TXNDC16: variants seen among roughly 807,000 people sequenced by gnomAD.
TXNDC16 encodes the protein thioredoxin domain-containing protein 16.
Under a neutral mutation model 85.6 loss-of-function variants are expected in TXNDC16, and 74 were observed. That is an observed-to-expected ratio of 0.86 (90% CI 0.72 to 1.05). The LOEUF (loss-of-function observed/expected upper bound fraction) is 1.05. Among genes scored for constraint, TXNDC16 ranks in the 50% least tolerant of loss-of-function variants. The pLI is 0.00. For missense variants in TXNDC16, 959 were observed against 947.0 expected (o/e 1.01, Z -0.17); for synonymous variants, 335 against 326.5 (o/e 1.03, Z -0.28).
At position 52,511,221 on chromosome 14, in the gene TXNDC16, T is replaced by C. The variant is rs2036945686; in HGVS notation, c.756+19A>G. 1 of 1,464,564 alleles carries C rather than the reference T, an allele frequency of 6.8e-7. No homozygotes were observed. The allele number at this position is 1,464,564 out of a possible 1,614,324, so 90.7% of individuals were successfully genotyped here. A position where few individuals can be genotyped will look rare whatever the true frequency, so the allele number is the denominator to read the frequency against. On this transcript the variant is annotated intron_variant, in intron 9 of 20. Coordinates refer to ENST00000281741, the MANE Select transcript of TXNDC16 (RefSeq NM_020784.3). ...ACAGGCAGTAGAAAGCAAATAAAAA[T>C]ATAAAATAAGACACATACCAACAGA...
rs1384913660 is a variant in TXNDC16, at chr14:52,440,854, A to G, written c.1843-130T>C. 3 of 806,584 alleles carry G rather than the reference A, an allele frequency of 3.7e-6. No individual in the cohort carries two copies. The East Asian group carries it at 9.0e-5, about 24-fold the overall frequency. The allele number at this position is 806,584 out of a possible 1,614,324, so 50.0% of individuals were successfully genotyped here. ...AATTCAAACACATTTTCACTTAAGT[A>G]GAGATTTTACTATATTAATAACTAT... On this transcript the variant is annotated intron_variant, in intron 18 of 20. Transcript: ENST00000281741.
chr14:52,497,274 G>A (rs1419285033), intron 9 of TXNDC16, among the ~76,000 whole-genome samples: 2 of 152,024 alleles, frequency 1.3e-5, no homozygotes, highest in Non-Finnish European at 2.9e-5. Flanking sequence ...TACCAAGACT[G>A]AATCATTAAT....
intron 6 of TXNDC16, among the ~76,000 whole-genome samples, chr14:52,525,631 G>A (rs1048019563): frequency 6.6e-6 from 1 of 151,306 alleles, no homozygotes; most frequent in East Asian, 1.9e-4. Flanking sequence ...CCAGGAGGCG[G>A]AGGTTGCAGT....
chr14:52,490,949 T>C lies in TXNDC16; in HGVS notation c.813A>G (p.Leu271=). 2 of 1,607,964 alleles carry C rather than the reference T, an allele frequency of 1.2e-6. No individual in the cohort carries two copies. Among genetic ancestry groups the C allele is most frequent in the South Asian group, 1.1e-5 (1 of 90,814 alleles). The change falls in exon 10 of 21, where the codon TTA becomes TTG. Residue 271 remains leucine (L), a synonymous_variant. Transcript: ENST00000281741. ...GTTGGCTAACAATAAAAACCAGTGG[T>C]AAGCCCAGTTGGAGATGGACAGTTG... The part of the protein sequence containing the change: ...QVSTVHLQLG[L]PLVFIVSQQA...
intron 9 of TXNDC16, among the ~76,000 whole-genome samples, chr14:52,493,675 C>T (rs2036466546): frequency 1.3e-5 from 2 of 152,242 alleles, no homozygotes; most frequent in East Asian, 3.9e-4. Context: ...TTTCCCACAA[C>T]TGAAGGACAT....
chr14:52,533,615 C>T (rs2037633057), intron 6 of TXNDC16, among the ~76,000 whole-genome samples: 1 of 152,172 alleles, frequency 6.6e-6, no homozygotes, highest in Non-Finnish European at 1.5e-5. Flanking sequence ...GTTTCATTTA[C>T]TTACTAGGAA....
intron 12 of TXNDC16, among the ~76,000 whole-genome samples, chr14:52,483,464 A>G (rs1296886939): frequency 2.0e-5 from 3 of 152,364 alleles, no homozygotes; most frequent in African/African-American, 7.2e-5. Context: ...TCTGCCAGGT[A>G]GAGAATCAAG....
intron 9 of TXNDC16, among the ~76,000 whole-genome samples, chr14:52,492,095 T>G (rs2036421035): frequency 6.6e-6 from 1 of 152,016 alleles, no homozygotes; most frequent in Admixed American, 6.6e-5. Context: ...CCTCCCCAAC[T>G]CTATGAGTTT....
At chr14:52,498,925 T>C (rs2036593062) in intron 9 of TXNDC16, among the ~76,000 whole-genome samples, 1 of 152,118 alleles carries the variant, frequency 6.6e-6, no homozygotes, top group Admixed American at 6.6e-5. Context: ...CAAAATATAT[T>C]ACAAAGCTAC....
chr14:52,463,384 G>C (rs970357887), intron 16 of TXNDC16, among the ~76,000 whole-genome samples: 2 of 152,194 alleles, frequency 1.3e-5, no homozygotes, highest in South Asian at 2.1e-4. Flanking sequence ...TTCTACTATA[G>C]GTCCTATTTC....
At chr14:52,527,767 A>G (rs1345964600) in intron 6 of TXNDC16, among the ~76,000 whole-genome samples, 1 of 152,108 alleles carries the variant, frequency 6.6e-6, no homozygotes, top group Non-Finnish European at 1.5e-5. Flanking sequence ...CTATGTGTGT[A>G]TAACATATAT....
At chr14:52,528,198 A>G (rs2037383508) in intron 6 of TXNDC16, among the ~76,000 whole-genome samples, 1 of 152,186 alleles carries the variant, frequency 6.6e-6, no homozygotes, top group Admixed American at 6.5e-5. Context: ...AAGTTCAAGT[A>G]TAACTGTAGG....
At position 52,455,389 on chromosome 14, in the gene TXNDC16, G is replaced by A. The variant is rs1324653408; in HGVS notation, c.1777C>T (p.Pro593Ser). The A allele has an allele frequency of 1.2e-6, 2 of 1,613,844 alleles. No homozygotes were observed. The highest frequency in any genetic ancestry group is 1.7e-6 in the Non-Finnish European group (2 of 1,179,930). Residue 593 changes from proline to serine, a missense_variant, in exon 18 of 21, where the codon CCA becomes TCA. Pro to Ser is a moderately conservative substitution (Grantham distance 74, BLOSUM62 -1). Transcript: ENST00000281741. ...TCTTGTGCATGTGTGCTAGCTAGTG[G>A]GATGCTCTCTATTTTGCCTTCTGTG... ...RHTEGKIESIPLASTHAQDIV... is the reference protein window; with the variant it reads ...RHTEGKIESISLASTHAQDIV...
rs767780627 is a variant in TXNDC16 at position 52,514,983 on chromosome 14, T to G, written c.515-13A>C. Reference sequence around the variant, plus strand: ...ACTGCTCTGTGCTCTGAAGAAGAGATAAAGGGAGTTGGAAGACAGGAAAAA... The same window carrying G: ...ACTGCTCTGTGCTCTGAAGAAGAGAGAAAGGGAGTTGGAAGACAGGAAAAA... On this transcript the variant is annotated splice_polypyrimidine_tract_variant and intron_variant, in intron 7 of 20. Transcript: ENST00000281741. 5 of 1,598,824 alleles carry G rather than the reference T, an allele frequency of 3.1e-6. No individual in the cohort carries two copies. In the South Asian group the frequency reaches 4.5e-5, roughly 14 times the overall value.
intron 6 of TXNDC16, among the ~76,000 whole-genome samples, chr14:52,529,641 ATT>A (rs1491436042): frequency 9.6e-6 from 1 of 104,554 alleles, no homozygotes; most frequent in African/African-American, 4.2e-5. Flanking sequence ...TATAATGCCT[ATT>A]ATATATATTA....
Position 52,430,703 on chromosome 14 carries a change from G to C in TXNDC16, c.*1601C>G, listed in dbSNP as rs2034871723. The C allele has an allele frequency of 6.6e-6, 1 of 152,114 alleles. No individual in the cohort carries two copies. Among genetic ancestry groups the C allele is most frequent in the Admixed American group, 6.6e-5 (1 of 15,266 alleles). 9.4% of individuals were successfully genotyped at this position (152,114 alleles called of 1,614,324 possible). A position where few individuals can be genotyped will look rare whatever the true frequency, so the allele number is the denominator to read the frequency against. On this transcript the variant is annotated 3_prime_UTR_variant, in exon 21 of 21. Coordinates refer to ENST00000281741, the MANE Select transcript of TXNDC16 (RefSeq NM_020784.3). The stretch of plus-strand genomic sequence containing the variant: ...AGCAATTTCATGTTTCTATGTGCTG[G>C]TACTTAATTAGCATTTTCTAATAAT...
intron 9 of TXNDC16, among the ~76,000 whole-genome samples, chr14:52,505,408 A>T (rs918020779): frequency 2.0e-5 from 3 of 152,240 alleles, no homozygotes; most frequent in Non-Finnish European, 4.4e-5. Context: ...CAGGATTCAG[A>T]AACTCATTCA....
Position 52,542,491 on chromosome 14 carries a change from C to T in TXNDC16, c.161-38G>A, listed in dbSNP as rs76848714. ...ATGTTTCATGAATGTTTATGAATTG[C>T]CCCTTAAAAATGAATTTTAAAATCT... On this transcript the variant is annotated intron_variant, in intron 3 of 20. Transcript: ENST00000281741. The T allele has an allele frequency of 2.0e-3, 2,957 of 1,466,024 alleles. 5 individuals are homozygous for T. The highest frequency in any genetic ancestry group is 2.6e-3 in the Non-Finnish European group (2,696 of 1,055,728). The allele number at this position is 1,466,024 out of a possible 1,614,324, so 90.8% of individuals were successfully genotyped here. A position where few individuals can be genotyped will look rare whatever the true frequency, so the allele number is the denominator to read the frequency against.
chr14:52,502,578 T>C (rs573826315), intron 9 of TXNDC16, among the ~76,000 whole-genome samples: 5 of 152,278 alleles, frequency 3.3e-5, no homozygotes, highest in Non-Finnish European at 5.9e-5. Context: ...ATTTCAAAAC[T>C]AATACTACAG....
Sources: allele counts gnomAD v4.1 joint callset (sites outside exome capture counted in the v4.1 genomes callset), GRCh38; gene constraint gnomAD v4.1.1; transcripts MANE v1.5; gene names NCBI Gene and HGNC (gene_info 2026-07-23, HGNC 2026-07-21).